The following CFAP43 variants were observed in gnomAD, a reference collection of about 807,000 sequenced individuals.
The protein encoded by CFAP43 is cilia and flagella associated protein 43.
Under a neutral mutation model 218.9 loss-of-function variants are expected in CFAP43, and 155 were observed. The ratio of observed to expected loss-of-function variants is 0.71; its 90% CI spans 0.62 to 0.81. The LOEUF (loss-of-function observed/expected upper bound fraction) is 0.81, where lower values mean the gene tolerates loss of function less well. Among genes scored for constraint, CFAP43 ranks in the 30% least tolerant of loss-of-function variants. CFAP43 has a pLI of 0.00. For missense variants in CFAP43, 1,778 were observed against 1,954.3 expected, an observed-to-expected ratio of 0.91 and a Z score of 1.70; for synonymous variants, 645 against 681.3, an observed-to-expected ratio of 0.95 and a Z score of 0.83.
At chr10:104,187,598 A>G (rs1010852232) in intron 13 of CFAP43, 106 bp from the exon 14 acceptor site, 11 of 987,708 alleles carry the variant, frequency 1.1e-5, no homozygotes, top group South Asian at 2.4e-5. Context: ...TAAATGCTCA[A>G]CTAATATTGC....
chr10:104,144,076 G>A (rs937637593), intron 31 of CFAP43, among the ~76,000 whole-genome samples: 1 of 152,188 alleles, frequency 6.6e-6, no homozygotes, highest in Non-Finnish European at 1.5e-5. Context: ...AAGGGAAGAA[G>A]GGTACAAAGA....
At position 104,203,748 on chromosome 10, in the gene CFAP43, A is replaced by G. The variant is rs140849845; in HGVS notation, c.1019T>C (p.Phe340Ser). The change falls in exon 8 of 38, where the codon TTT becomes TCT. Residue 340 changes from phenylalanine (F) to serine (S), a missense_variant. Physicochemically the swap from Phe to Ser is radical, Grantham distance 155. This residue lies in a region of CFAP43 where 1,553 missense variants were observed against 1,685.2 expected (regional missense o/e 0.92). Transcript: ENST00000357060. ...IKDRSYMIED[F>S]LEIERPVEHM... Reference sequence around the variant, plus strand: ...TTCTACAGGTCTTTCAATCTCAAGAAAATCCTCGATCATGTAACTTCTATC... The same window carrying G: ...TTCTACAGGTCTTTCAATCTCAAGAGAATCCTCGATCATGTAACTTCTATC... 2.5e-4 allele frequency: 397 copies of G among 1,611,224 alleles called. No homozygotes were observed. Among genetic ancestry groups the G allele is most frequent in the Non-Finnish European group, 3.2e-4 (377 of 1,178,818 alleles).
chr10:104,153,014 T>G (rs542790075), intron 27 of CFAP43, among the ~76,000 whole-genome samples: 1 of 152,144 alleles, frequency 6.6e-6, no homozygotes, highest in Non-Finnish European at 1.5e-5. Flanking sequence ...TTGCAGCAAA[T>G]CTTTCCAGAA....
intron 3 of CFAP43, among the ~76,000 whole-genome samples, chr10:104,221,468 C>T (rs1050754921): frequency 6.6e-6 from 1 of 152,174 alleles, no homozygotes; most frequent in African/African-American, 2.4e-5. Flanking sequence ...AGAGAGCTAG[C>T]TCATCCCTTC....
At chr10:104,206,397 C>T (rs2090690253) in intron 6 of CFAP43, among the ~76,000 whole-genome samples, 1 of 152,076 alleles carries the variant, frequency 6.6e-6, no homozygotes, top group Admixed American at 6.6e-5. Flanking sequence ...CAGTAAGTGC[C>T]AAGGGAATGG....
At position 104,188,412 on chromosome 10, in the gene CFAP43, T is replaced by C. The variant is rs763231244; in HGVS notation, c.1547-2A>G. 1 of 1,607,800 alleles carries C rather than the reference T, an allele frequency of 6.2e-7. No homozygotes were observed. The highest frequency in any genetic ancestry group is 8.5e-7 in the Non-Finnish European group (1 of 1,177,328). The stretch of plus-strand genomic sequence containing the variant: ...TCTGTAAAATGTCTTTGGCCACCTC[T>C]GAAAGCAAACAGAGATCAACACCAC... On this transcript the variant is annotated splice_acceptor_variant, in intron 12 of 37. Coordinates refer to ENST00000357060, the MANE Select transcript of CFAP43 (RefSeq NM_025145.7). LOFTEE classifies it high-confidence loss of function.
At chr10:104,230,490 A>C in intron 2 of CFAP43, 100 bp downstream of exon 2, 3 of 1,461,620 alleles carry the variant, frequency 2.1e-6, no homozygotes, top group Non-Finnish European at 2.8e-6. Context: ...AACAAACAAA[A>C]AAAACCTTTC....
At chr10:104,184,984 A>T in intron 16 of CFAP43, 32 bp downstream of exon 16, 2 of 1,611,414 alleles carry the variant, frequency 1.2e-6, no homozygotes, top group Non-Finnish European at 1.7e-6. Context: ...ACACTATACT[A>T]CATGGGGTTA....
chr10:104,184,027 T>C (rs2089947446), intron 16 of CFAP43, among the ~76,000 whole-genome samples: 2 of 152,216 alleles, frequency 1.3e-5, no homozygotes, highest in African/African-American at 4.8e-5. Context: ...CGTATTTTAT[T>C]ACTGCTTTGA....
intron 30 of CFAP43, 52 bp from the exon 31 acceptor site, chr10:104,145,616 A>C (rs370976235): frequency 2.4e-6 from 3 of 1,230,046 alleles, no homozygotes; most frequent in Admixed American, 1.8e-5. Flanking sequence ...GAAACCTTTT[A>C]TTTGTTGACA....
chr10:104,133,834 A>T, intron 34 of CFAP43, 50 bp from the exon 35 acceptor site: 1 of 1,447,888 alleles, frequency 6.9e-7, no homozygotes, highest in South Asian at 1.4e-5. Context: ...TGCATATAGA[A>T]CATAGAATAT....
chr10:104,195,178 C>A (rs996681585), intron 10 of CFAP43, among the ~76,000 whole-genome samples: 1 of 152,124 alleles, frequency 6.6e-6, no homozygotes, highest in Non-Finnish European at 1.5e-5. Context: ...AGGACCACTG[C>A]CTGAAGGAAG....
chr10:104,216,000 C>T (rs2091001698), intron 3 of CFAP43, among the ~76,000 whole-genome samples: 3 of 152,178 alleles, frequency 2.0e-5, no homozygotes. Context: ...TCCCTCTAGC[C>T]TGACTTCTTC....
chr10:104,172,434 A>G lies in CFAP43; in HGVS notation c.2562T>C (p.Asp854=). Residue 854 remains aspartate, a synonymous_variant, in exon 20 of 38, where the codon GAT becomes GAC. Coordinates refer to ENST00000357060, the MANE Select transcript of CFAP43 (RefSeq NM_025145.7). The stretch of plus-strand genomic sequence containing the variant: ...CCTTTGCCACTTCTTCCTGACTTTC[A>G]TCATGAAGCCTTTCTAGTTCCTCAA... ...LDLEELERLH[D]ESQEEVAKMI... 6.2e-7 allele frequency: 1 copy of G among 1,609,412 alleles called. No homozygotes were observed. The highest frequency in any genetic ancestry group is 1.3e-5 in the African/African-American group (1 of 74,822).
At chr10:104,131,580 C>A in intron 36 of CFAP43, 96 bp from the exon 37 acceptor site, 1 of 1,326,144 alleles carries the variant, frequency 7.5e-7, no homozygotes. Context: ...AATACATTAT[C>A]ATCATTAAGA....
intron 34 of CFAP43, among the ~76,000 whole-genome samples, chr10:104,135,225 C>A (rs536503490): frequency 2.6e-5 from 4 of 151,948 alleles, no homozygotes; most frequent in Non-Finnish European, 4.4e-5. Context: ...TAAAAGGGAA[C>A]TTCCTCAACA....
At chr10:104,166,222 C>T (rs2089143582) in intron 23 of CFAP43, among the ~76,000 whole-genome samples, 1 of 152,108 alleles carries the variant, frequency 6.6e-6, no homozygotes, top group Non-Finnish European at 1.5e-5. Flanking sequence ...TACAGGCACG[C>T]ACCACCATGC....
At chr10:104,168,346 T>C (rs902438136) in intron 21 of CFAP43, among the ~76,000 whole-genome samples, 7 of 152,166 alleles carry the variant, frequency 4.6e-5, no homozygotes, top group Admixed American at 2.6e-4. Flanking sequence ...GGAAATTACA[T>C]TGGAGGGAAT....
At chr10:104,136,316 T>G (rs2087447895) in intron 34 of CFAP43, among the ~76,000 whole-genome samples, 1 of 150,846 alleles carries the variant, frequency 6.6e-6, no homozygotes, top group South Asian at 2.1e-4. Flanking sequence ...GGGATAAATC[T>G]TCATGACTTC....
Sources: gnomAD v4.1 joint callset for allele counts (sites outside exome capture counted in the v4.1 genomes callset) on GRCh38, gnomAD v4.1.1 for gene constraint, gnomAD v4.1.1 regional missense constraint, MANE v1.5 for transcripts, NCBI Gene and HGNC (gene_info 2026-07-23, HGNC 2026-07-21) for gene names.